The following TUBAL3 variants were observed in gnomAD, a reference collection of about 807,000 sequenced individuals.
TUBAL3 encodes tubulin alpha like 3.
In TUBAL3, 16 loss-of-function variants were observed where a neutral mutation model predicts 15.5. The ratio of observed to expected loss-of-function variants is 1.04; its 90% confidence interval spans 0.70 to 1.57. TUBAL3 has a LOEUF of 1.57. Ranked by LOEUF, TUBAL3 falls within the 40% of genes most tolerant of loss-of-function variation. The pLI is 0.00. For synonymous variants in TUBAL3, 238 were observed against 224.3 expected (o/e 1.06, Z -0.55); for missense variants, 609 against 576.2 (o/e 1.06, Z -0.58).
rs534834682 is a variant in TUBAL3 at position 5,393,915 on chromosome 10, G to T, written c.943C>A (p.Arg315=). 2.5e-6 allele frequency: 4 copies of T among 1,614,200 alleles called. No individual in the cohort carries two copies. Among genetic ancestry groups the T allele is most frequent in the Non-Finnish European group, 3.4e-6 (4 of 1,180,046 alleles). ...SSNQLVKCDP[R]LGKYMACCLL... is the part of the protein sequence containing the mutation. ...CAGCAGGCCATGTACTTCCCAAGCC[G>T]AGGATCACACTTGACCAGCTGGTTG... The change falls in exon 4 of 4, where the codon CGG becomes AGG. Residue 315 remains arginine, a synonymous_variant. Transcript: ENST00000380419.
chr10:5,397,116 C>G lies in TUBAL3; in HGVS notation c.248-1641G>C, dbSNP rs782740817. Among the ~76,000 whole-genome samples the G allele has an allele frequency of 5.3e-5, 8 of 152,152 alleles. No individual in the cohort carries two copies. Among genetic ancestry groups the G allele is most frequent in the African/African-American group, 9.7e-5 (4 of 41,432 alleles). ...TTATGCAGATTTACCTCATTATACA[C>G]CACCAGCCTTGGCAGCAGATAGCTG... is the stretch of plus-strand genomic sequence containing the variant. On this transcript the variant is annotated intron_variant, in intron 2 of 3. Transcript: ENST00000380419. This position sits in a 1 kb window ranked among gnomAD's most constrained non-coding sequence, Gnocchi z 4.9.
rs1371133729 is a variant in TUBAL3 at position 5,396,580 on chromosome 10, G to A, written c.248-1105C>T. On this transcript the variant is annotated intron_variant, in intron 2 of 3. Transcript: ENST00000380419. The surrounding 1 kb of genome is among the most constrained non-coding windows in gnomAD (Gnocchi z 5.1). ...ATCTTTTAAATCTGCTTTAAAAGAG[G>A]ATTTAACAGGGAAGGCACGGCAAAC... Among the ~76,000 whole-genome samples the A allele has an allele frequency of 2.0e-5, 3 of 152,160 alleles. No homozygotes were observed. Among genetic ancestry groups the A allele is most frequent in the Non-Finnish European group, 4.4e-5 (3 of 68,028 alleles).
Position 5,394,216 on chromosome 10 carries a change from C to T in TUBAL3, c.642G>A (p.Glu214=), listed in dbSNP as rs1588411384. 6.2e-7 allele frequency: 1 copy of T among 1,614,126 alleles called. No homozygotes were observed. Among genetic ancestry groups the T allele is most frequent in the Non-Finnish European group, 8.5e-7 (1 of 1,180,036 alleles). ...HTDCTFMVDN[E]AVYDICHRKL... ...TACGATGGCATATATCATAGACGGC[C>T]TCGTTGTCCACCATGAAGGTACAGT... Residue 214 remains glutamate, a synonymous_variant, in exon 4 of 4, where the codon GAG becomes GAA. Transcript: ENST00000380419. This position sits in a 1 kb window ranked among gnomAD's most constrained non-coding sequence, Gnocchi z 4.3.
At position 5,393,292 on chromosome 10, in the gene TUBAL3, C is replaced by T. The variant is rs1554813654; in HGVS notation, c.*225G>A. On this transcript the variant is annotated 3_prime_UTR_variant, in exon 4 of 4. Coordinates refer to ENST00000380419, the MANE Select transcript of TUBAL3 (RefSeq NM_024803.3). ...ACTCAGCAGTTCAAAGGACTCTAAG[C>T]TTCCAAAGGCTCCCAGGTAGCAGAG... The T allele has an allele frequency of 2.1e-6, 1 of 467,314 alleles. No homozygotes were observed. The highest frequency in any genetic ancestry group is 2.0e-5 in the African/African-American group (1 of 51,232). 28.9% of individuals were successfully genotyped at this position (467,314 alleles called of 1,614,324 possible).
In TUBAL3 at chr10:5,394,048, C is replaced by T. The variant is rs1018515261; in HGVS notation, c.810G>A (p.Pro270=). 8 of 1,614,114 alleles carry T rather than the reference C, an allele frequency of 5.0e-6. No individual in the cohort carries two copies. Among genetic ancestry groups the T allele is most frequent in the East Asian group, 2.2e-5 (1 of 44,872 alleles). ...IEFQTNLVPY[P]RIHFPMTAFA... is the part of the protein sequence containing the mutation. Reference sequence around the variant, plus strand: ...AGGCTGTCATGGGGAAATGTATTCTCGGATAAGGTACCAGGTTGGTCTGGA... The same window carrying T: ...AGGCTGTCATGGGGAAATGTATTCTTGGATAAGGTACCAGGTTGGTCTGGA... The change falls in exon 4 of 4, where the codon CCG becomes CCA. Residue 270 remains proline, a synonymous_variant. Transcript: ENST00000380419. This position sits in a 1 kb window ranked among gnomAD's most constrained non-coding sequence, Gnocchi z 4.3.
chr10:5,400,986 A>G lies in TUBAL3; in HGVS notation c.105T>C (p.Val35=), dbSNP rs782092117. 6.2e-7 allele frequency: 1 copy of G among 1,614,252 alleles called. No homozygotes were observed. The highest frequency in any genetic ancestry group is 8.5e-7 in the Non-Finnish European group (1 of 1,180,042). The change falls in exon 2 of 4, where the codon GTT becomes GTC. Residue 35 remains valine (V), a synonymous_variant. Coordinates refer to ENST00000380419, the MANE Select transcript of TUBAL3 (RefSeq NM_024803.3). ...CLEHGIQPNG[V]VLDTQQDQLE... is the part of the protein sequence containing the mutation. ...GCTGATCCTGTTGAGTGTCAAGAAC[A>G]ACGCCATTTGGCTGGATTCCATGTT...
Position 5,395,550 on chromosome 10 carries a change from G to T in TUBAL3, c.248-75C>A. On this transcript the variant is annotated intron_variant, in intron 2 of 3. Transcript: ENST00000380419. This position sits in a 1 kb window ranked among gnomAD's most constrained non-coding sequence, Gnocchi z 4.6. ...CGTCCACCTGCTGCTAGTCCTCCTG[G>T]AGCCTCCCCGTACTTGACTCCCATG... The T allele has an allele frequency of 1.5e-6, 2 of 1,340,452 alleles. No individual in the cohort carries two copies. The highest frequency in any genetic ancestry group is 2.2e-5 in the South Asian group (1 of 44,892). The allele number at this position is 1,340,452 out of a possible 1,614,324, so 83.0% of individuals were successfully genotyped here. A position where few individuals can be genotyped will look rare whatever the true frequency, so the allele number is the denominator to read the frequency against.
chr10:5,395,325 G>C lies in TUBAL3; in HGVS notation c.396+2C>G. 1 of 1,537,612 alleles carries C rather than the reference G, an allele frequency of 6.5e-7. No homozygotes were observed. The highest frequency in any genetic ancestry group is 8.8e-7 in the Non-Finnish European group (1 of 1,133,770). On this transcript the variant is annotated splice_donor_variant, in intron 3 of 3. Coordinates refer to ENST00000380419, the MANE Select transcript of TUBAL3 (RefSeq NM_024803.3). LOFTEE classifies it high-confidence loss of function. The surrounding 1 kb of genome is among the most constrained non-coding windows in gnomAD (Gnocchi z 4.6). Reference sequence around the variant, plus strand: ...ACTCGGAGGAGAGGGGGAGCCACTTGCCAGCTTCCGGGTCCTCTCCAGCAC... The same window carrying C: ...ACTCGGAGGAGAGGGGGAGCCACTTCCCAGCTTCCGGGTCCTCTCCAGCAC...
intron 1 of TUBAL3, among the ~76,000 whole-genome samples, chr10:5,402,433 G>T (rs1471048112): frequency 6.6e-6 from 1 of 152,320 alleles, no homozygotes; most frequent in East Asian, 1.9e-4. Flanking sequence ...AGACCCCCAT[G>T]TCTTCTGCAT....
In TUBAL3 at chr10:5,397,391, T is replaced by C. The variant is rs562702277; in HGVS notation, c.248-1916A>G. Among the ~76,000 whole-genome samples the C allele has an allele frequency of 6.6e-6, 1 of 152,316 alleles. No homozygotes were observed. The highest frequency in any genetic ancestry group is 1.9e-4 in the East Asian group (1 of 5,188). The stretch of plus-strand genomic sequence containing the variant: ...TATAAACAAGATATAAGTGAAAGTG[T>C]AATTCTGGGTGGACTATTTCCTTCT... On this transcript the variant is annotated intron_variant, in intron 2 of 3. Coordinates refer to ENST00000380419, the MANE Select transcript of TUBAL3 (RefSeq NM_024803.3). This position sits in a 1 kb window ranked among gnomAD's most constrained non-coding sequence, Gnocchi z 4.9.
chr10:5,404,785 C>G lies in TUBAL3; in HGVS notation c.3+5G>C. On this transcript the variant is annotated splice_donor_5th_base_variant and intron_variant, in intron 1 of 3. Transcript: ENST00000380419. ...ACAACAATGCATAGGCGTGTAGTCACTTACCATGCTGATGAGAACGTGCCC... is the reference window on the plus strand; with the variant it reads ...ACAACAATGCATAGGCGTGTAGTCAGTTACCATGCTGATGAGAACGTGCCC... 6.2e-7 allele frequency: 1 copy of G among 1,613,696 alleles called. No homozygotes were observed. Among genetic ancestry groups the G allele is most frequent in the Non-Finnish European group, 8.5e-7 (1 of 1,179,772 alleles).
rs782444579 is a variant in TUBAL3, at chr10:5,395,055, C to T, written c.396+272G>A. Among the ~76,000 whole-genome samples, 7 of 152,156 alleles carry T rather than the reference C, an allele frequency of 4.6e-5. No individual in the cohort carries two copies. Among genetic ancestry groups the T allele is most frequent in the Admixed American group, 1.3e-4 (2 of 15,270 alleles). Reference sequence around the variant, plus strand: ...GTTTTAGAGTGCTATGGGAGTCTCTCGTAACAAGATGAACCCTGTGTTAGG... The same window carrying T: ...GTTTTAGAGTGCTATGGGAGTCTCTTGTAACAAGATGAACCCTGTGTTAGG... On this transcript the variant is annotated intron_variant, in intron 3 of 3. Transcript: ENST00000380419. This position sits in a 1 kb window ranked among gnomAD's most constrained non-coding sequence, Gnocchi z 4.6.
Position 5,396,051 on chromosome 10 carries a change from A to C in TUBAL3, c.248-576T>G, listed in dbSNP as rs1831759385. 6.6e-6 allele frequency among the ~76,000 whole-genome samples: 1 copy of C among 152,168 alleles called. No individual in the cohort carries two copies. The highest frequency in any genetic ancestry group is 1.5e-5 in the Non-Finnish European group (1 of 68,030). On this transcript the variant is annotated intron_variant, in intron 2 of 3. Transcript: ENST00000380419. The surrounding 1 kb of genome is among the most constrained non-coding windows in gnomAD (Gnocchi z 5.1). ...GGAGGACCTCATTTTAACTAGCTAC[A>C]TCAGCAAAGACCCTGTTTCCAAATA...
chr10:5,402,837 T>C (rs1434312949), intron 1 of TUBAL3, among the ~76,000 whole-genome samples: 1 of 152,220 alleles, frequency 6.6e-6, no homozygotes, highest in African/African-American at 2.4e-5. Flanking sequence ...AACAGTTTCA[T>C]CCAGAAACCA....
chr10:5,399,397 G>A (rs1016812067), intron 2 of TUBAL3, among the ~76,000 whole-genome samples: 6 of 152,190 alleles, frequency 3.9e-5, no homozygotes, highest in Non-Finnish European at 8.8e-5. Flanking sequence ...AAGAGACACA[G>A]ACTATTTCTC....
rs180681467 is a variant in TUBAL3 at position 5,394,617 on chromosome 10, T to A, written c.397-156A>T. Among the ~76,000 whole-genome samples, 75 of 152,326 alleles carry A rather than the reference T, an allele frequency of 4.9e-4. No homozygotes were observed. Among genetic ancestry groups the A allele is most frequent in the African/African-American group, 1.7e-3 (72 of 41,580 alleles). On this transcript the variant is annotated intron_variant, in intron 3 of 3. Transcript: ENST00000380419. This position sits in a 1 kb window ranked among gnomAD's most constrained non-coding sequence, Gnocchi z 4.3. Reference sequence around the variant, plus strand: ...AACTCCACAACAAACATAGCTACTTTGAAATACTCTCAAGGGGACTTCTGG... The same window carrying A: ...AACTCCACAACAAACATAGCTACTTAGAAATACTCTCAAGGGGACTTCTGG...
intron 2 of TUBAL3, among the ~76,000 whole-genome samples, chr10:5,400,567 G>T (rs563933098): frequency 6.6e-6 from 1 of 152,278 alleles, no homozygotes; most frequent in African/African-American, 2.4e-5. Context: ...GGAGACGGAG[G>T]TTGCAGTGAG....
chr10:5,393,967 G>A lies in TUBAL3; in HGVS notation c.891C>T (p.Asp297=), dbSNP rs782292095. The A allele has an allele frequency of 2.5e-6, 4 of 1,614,230 alleles. No individual in the cohort carries two copies. Among genetic ancestry groups the A allele is most frequent in the Non-Finnish European group, 3.4e-6 (4 of 1,180,050 alleles). ...KAYHEQFSVS[D]ITTACFESSN... is the part of the protein sequence containing the mutation. Reference sequence around the variant, plus strand: ...AGGACTCAAAGCAGGCAGTGGTGATGTCTGACACAGAGAACTGCTCATGGT... The same window carrying A: ...AGGACTCAAAGCAGGCAGTGGTGATATCTGACACAGAGAACTGCTCATGGT... The change falls in exon 4 of 4, where the codon GAC becomes GAT. Residue 297 remains aspartate, a synonymous_variant. Transcript: ENST00000380419.
rs1831786155 is a variant in TUBAL3 at position 5,397,763 on chromosome 10, C to T, written c.248-2288G>A. ...CTGCATTCCACTTCAATCATCATCA[C>T]TCAGAACTCTCCCACTTCCAAAATC... On this transcript the variant is annotated intron_variant, in intron 2 of 3. Transcript: ENST00000380419. The surrounding 1 kb of genome is among the most constrained non-coding windows in gnomAD (Gnocchi z 4.9). 6.6e-6 allele frequency among the ~76,000 whole-genome samples: 1 copy of T among 152,184 alleles called. No homozygotes were observed. The highest frequency in any genetic ancestry group is 1.9e-4 in the East Asian group (1 of 5,194).
Sources: gnomAD v4.1 joint callset for allele counts (sites outside exome capture counted in the v4.1 genomes callset) on GRCh38, gnomAD v4.1.1 for gene constraint, Gnocchi (gnomAD v3.1) non-coding constraint, MANE v1.5 for transcripts, NCBI Gene and HGNC (gene_info 2026-07-23, HGNC 2026-07-21) for gene names.